ZNF341: variants seen among roughly 807,000 people sequenced by gnomAD.
ZNF341 encodes the protein zinc finger protein 341.
ZNF341 carries 52 observed loss-of-function variants against 87.7 expected under a neutral mutation model. The observed-to-expected ratio is 0.59, with a 90% CI of 0.47 to 0.75. The LOEUF (loss-of-function observed/expected upper bound fraction) is 0.75, where lower values mean the gene tolerates loss of function less well. Among genes scored for constraint, ZNF341 ranks in the 30% least tolerant of loss-of-function variants. The pLI is 0.00. For missense variants in ZNF341, 977 were observed against 1,145.9 expected, an observed-to-expected ratio of 0.85 and a Z score of 2.13; for synonymous variants, 459 against 472.7, an observed-to-expected ratio of 0.97 and a Z score of 0.38.
At chr20:33,790,460 T>C (rs1329425191) in intron 14 of ZNF341, among the ~76,000 whole-genome samples, 3 of 152,164 alleles carry the variant, frequency 2.0e-5, no homozygotes, top group African/African-American at 7.2e-5. Flanking sequence ...TCTACTGGTG[T>C]CAGTGGCATC....
intron 13 of ZNF341, 137 bp downstream of exon 13, chr20:33,789,111 T>C: frequency 1.5e-6 from 1 of 645,528 alleles, no homozygotes; most frequent in South Asian, 2.0e-5. Flanking sequence ...AGTCTCACTC[T>C]GTCATCCAGG....
intron 2 of ZNF341, 107 bp from the exon 3 acceptor site, chr20:33,744,996 G>T (rs2018885670): frequency 9.9e-7 from 1 of 1,009,898 alleles, no homozygotes; most frequent in South Asian, 1.6e-5. Flanking sequence ...GTCAGCTGCA[G>T]TTCTCCTGTC....
In ZNF341 at chr20:33,761,644, G is replaced by C. The variant is rs75166532; in HGVS notation, c.1029-218G>C. 0.023 allele frequency among the ~76,000 whole-genome samples: 3,541 copies of C among 152,282 alleles called. 366 individuals carry two copies. The East Asian group carries it at 0.34, about 15-fold the overall frequency. Reference sequence around the variant, plus strand: ...AGATGGTCAGAGGAGGGCGGCTCCAGGGTTTGTTGATGAGCAGCTCAGTAA... The same window carrying C: ...AGATGGTCAGAGGAGGGCGGCTCCACGGTTTGTTGATGAGCAGCTCAGTAA... On this transcript the variant is annotated intron_variant, in intron 7 of 14. Coordinates refer to ENST00000375200, the MANE Select transcript of ZNF341 (RefSeq NM_001282933.2).
intron 3 of ZNF341, among the ~76,000 whole-genome samples, chr20:33,746,979 G>A (rs980643068): frequency 1.3e-5 from 2 of 152,128 alleles, no homozygotes; most frequent in Non-Finnish European, 2.9e-5. Context: ...CAGTGACAAA[G>A]TAGACAATGT....
intron 2 of ZNF341, among the ~76,000 whole-genome samples, chr20:33,743,334 AAT>A (rs1491566566): frequency 2.5e-5 from 3 of 118,592 alleles, no homozygotes; most frequent in Admixed American, 8.6e-5. Flanking sequence ...CACCCTGCCC[AAT>A]TTTTTTTTTT....
chr20:33,766,279 C>T (rs367776975), intron 8 of ZNF341, among the ~76,000 whole-genome samples: 2 of 152,048 alleles, frequency 1.3e-5, no homozygotes, highest in African/African-American at 2.4e-5. Context: ...ACTGCAGCCT[C>T]CGCCTCCCAG....
chr20:33,742,704 A>G (rs1009173001), intron 2 of ZNF341, among the ~76,000 whole-genome samples: 4 of 150,514 alleles, frequency 2.7e-5, no homozygotes, highest in East Asian at 2.0e-4. Flanking sequence ...AGCTCAAGCA[A>G]TCCTCCCACC....
chr20:33,746,664 C>G (rs1311540619), intron 3 of ZNF341, among the ~76,000 whole-genome samples: 2 of 152,092 alleles, frequency 1.3e-5, no homozygotes, highest in African/African-American at 2.4e-5. Flanking sequence ...AGAGAGAAAG[C>G]CAGGAGACCC....
Position 33,764,126 on chromosome 20 carries a change from G to T in ZNF341, c.1222+2071G>T, listed in dbSNP as rs1334011743. Among the ~76,000 whole-genome samples the T allele has an allele frequency of 3.4e-5, 5 of 146,948 alleles. No individual in the cohort carries two copies. In the Admixed American group the frequency reaches 3.5e-4, roughly 10 times the overall value. On this transcript the variant is annotated intron_variant, in intron 8 of 14. Coordinates refer to ENST00000375200, the MANE Select transcript of ZNF341 (RefSeq NM_001282933.2). ...TGCAAGCTCCGCCTCCTGGGTTCAC[G>T]CCATTTTCCTGCCTCAGCCTCCCGA... is the stretch of plus-strand genomic sequence containing the variant.
At position 33,761,985 on chromosome 20, in the gene ZNF341, G is replaced by A. The variant is rs761189575; in HGVS notation, c.1152G>A (p.Val384=). 1 of 1,606,784 alleles carries A rather than the reference G, an allele frequency of 6.2e-7. No individual in the cohort carries two copies. The highest frequency in any genetic ancestry group is 1.1e-5 in the South Asian group (1 of 90,326). ...VWPPGHSGGT[V]SRNSVTVQVM... is the part of the protein sequence containing the mutation. ...CTCCAGGACACAGTGGTGGCACCGT[G>A]TCTCGAAACTCTGTGACCGTACAGG... Residue 384 remains valine (V), a synonymous_variant, in exon 8 of 15, where the codon GTG becomes GTA. Coordinates refer to ENST00000375200, the MANE Select transcript of ZNF341 (RefSeq NM_001282933.2).
intron 12 of ZNF341, among the ~76,000 whole-genome samples, chr20:33,786,478 AG>A (rs1568595095): frequency 6.6e-6 from 1 of 152,200 alleles, no homozygotes; most frequent in Non-Finnish European, 1.5e-5. Flanking sequence ...AAAAAATTCT[AG>A]AGACAGATGA....
intron 10 of ZNF341, 51 bp downstream of exon 10, chr20:33,770,343 G>GGGGGGGGA: frequency 2.0e-6 from 1 of 511,254 alleles, no homozygotes; most frequent in East Asian, 5.9e-5. Flanking sequence ...GGTGGGCAGG[G>GGGGGGGGA]AGCCCAGGGC....
At chr20:33,764,561 AT>A (rs1164096634) in intron 8 of ZNF341, among the ~76,000 whole-genome samples, 408 of 28,344 alleles carry the variant, frequency 0.014, no homozygotes, top group East Asian at 0.021. Flanking sequence ...ATATATATAT[AT>A]TTTTTTTTTT....
intron 2 of ZNF341, among the ~76,000 whole-genome samples, chr20:33,741,812 G>C (rs2018809400): frequency 6.6e-6 from 1 of 152,198 alleles, no homozygotes; most frequent in South Asian, 2.1e-4. Context: ...GAGATAAATG[G>C]CTGGGTTTGA....
intron 2 of ZNF341, among the ~76,000 whole-genome samples, chr20:33,744,309 A>G (rs540081608): frequency 2.0e-5 from 3 of 151,790 alleles, no homozygotes; most frequent in South Asian, 4.2e-4. Context: ...AAAAGAAAAG[A>G]AAAGGAAAGA....
Position 33,736,302 on chromosome 20 carries a change from CAGAG to C in ZNF341, c.31+4252_31+4255del, listed in dbSNP as rs1204390836. Among the ~76,000 whole-genome samples, 7 of 151,932 alleles carry C rather than the reference CAGAG, an allele frequency of 4.6e-5. No individual in the cohort carries two copies. In the East Asian group the frequency reaches 1.2e-3, roughly 25 times the overall value. On this transcript the variant is annotated intron_variant, in intron 1 of 14. Transcript: ENST00000375200. ...AATTGTAACAGTGAGAAAATCATGA[CAGAG>C]AAAGACGCCTGACCTAACCAATCCC...
intron 10 of ZNF341, among the ~76,000 whole-genome samples, chr20:33,774,298 A>G (rs958714010): frequency 2.3e-4 from 35 of 152,124 alleles, no homozygotes; most frequent in African/African-American, 7.7e-4. Flanking sequence ...ACTCCGTCTC[A>G]AAAAAGAAAA....
intron 11 of ZNF341, 95 bp downstream of exon 11, chr20:33,781,482 C>A: frequency 9.1e-7 from 1 of 1,099,530 alleles, no homozygotes. Context: ...TCTCCTCTCT[C>A]ACCATAGGAC....
At chr20:33,739,958 G>T (rs1321739175) in intron 1 of ZNF341, among the ~76,000 whole-genome samples, 1 of 152,086 alleles carries the variant, frequency 6.6e-6, no homozygotes, top group African/African-American at 2.4e-5. Context: ...TCTGCCTCCT[G>T]GGTCCAAGTG....
Sources: gnomAD v4.1 joint callset for allele counts (sites outside exome capture counted in the v4.1 genomes callset) on GRCh38, gnomAD v4.1.1 for gene constraint, MANE v1.5 for transcripts, NCBI Gene and HGNC (gene_info 2026-07-23, HGNC 2026-07-21) for gene names.